Variants in INSYN2A observed in about 807,000 individuals in gnomAD.
INSYN2A encodes the protein family with sequence similarity 196 member A.
Under a neutral mutation model 39.4 loss-of-function variants are expected in INSYN2A, and 17 were observed. The observed-to-expected ratio is 0.43, with a 90% CI of 0.30 to 0.65. INSYN2A has a LOEUF of 0.65. Among genes scored for constraint, INSYN2A ranks in the 30% least tolerant of loss-of-function variants. The pLI is 0.14. For synonymous variants in INSYN2A, 255 were observed against 265.7 expected (o/e 0.96, Z 0.39); for missense variants, 595 against 631.2 (o/e 0.94, Z 0.61).
Position 127,175,684 on chromosome 10 carries a change from C to G in INSYN2A, c.712G>C (p.Glu238Gln). The change falls in exon 4 of 6, where the codon GAG (glutamate) becomes CAG (glutamine). Residue 238 changes from glutamate (E) to glutamine (Q), a missense_variant. By Grantham distance (29) the Glu-to-Gln change is conservative (BLOSUM62 2). Transcript: ENST00000522781. The surrounding 1 kb of genome is among the most constrained non-coding windows in gnomAD (Gnocchi z 6.3). ...CTGAGGGCAGGTGGAGCGGGCTCCT[C>G]GGAGTTTGGCCTCCCCCGGTCCTGC... is the stretch of plus-strand genomic sequence containing the variant. ...AKQDRGRPNS[E>Q]EPAPPALRRV... 2 of 1,613,742 alleles carry G rather than the reference C, an allele frequency of 1.2e-6. No homozygotes were observed. Among genetic ancestry groups the G allele is most frequent in the Non-Finnish European group, 1.7e-6 (2 of 1,179,962 alleles).
rs367689301 is a variant in INSYN2A at position 127,163,400 on chromosome 10, C to T, written c.1185-9477G>A. The stretch of plus-strand genomic sequence containing the variant: ...ATTTCGCTTTCCCTGTCTCCCTCCA[C>T]GAGAAGGTCAACACAATGTGGGCAG... On this transcript the variant is annotated intron_variant, in intron 4 of 5. Transcript: ENST00000522781. Among the ~76,000 whole-genome samples the T allele has an allele frequency of 7.4e-4, 113 of 152,190 alleles. 1 individual carries two copies. The South Asian group carries it at 0.021, about 28-fold the overall frequency.
chr10:127,150,229 C>T (rs1179599951), intron 5 of INSYN2A, among the ~76,000 whole-genome samples: 1 of 152,192 alleles, frequency 6.6e-6, no homozygotes. Flanking sequence ...GGGTTCTGAA[C>T]ACTTTTCTAC....
intron 4 of INSYN2A, among the ~76,000 whole-genome samples, chr10:127,170,626 G>A (rs1345531428): frequency 8.1e-6 from 1 of 123,992 alleles, no homozygotes; most frequent in African/African-American, 3.0e-5. Context: ...TACCCAATGA[G>A]CCACCAAGAC....
chr10:127,161,507 A>C (rs1416526305), intron 4 of INSYN2A, among the ~76,000 whole-genome samples: 5 of 152,232 alleles, frequency 3.3e-5, no homozygotes, highest in African/African-American at 1.2e-4. Context: ...TGTTAGTGGT[A>C]AAAACTGAAG....
chr10:127,195,729 C>T (rs1357912995), intron 1 of INSYN2A, among the ~76,000 whole-genome samples: 1 of 152,212 alleles, frequency 6.6e-6, no homozygotes, highest in East Asian at 1.9e-4. Flanking sequence ...TCCCTGACGT[C>T]GCCAAAGTTG....
At chr10:127,174,701 G>T (rs1173570401) in intron 4 of INSYN2A, among the ~76,000 whole-genome samples, 2 of 152,262 alleles carry the variant, frequency 1.3e-5, no homozygotes, top group East Asian at 3.9e-4. Context: ...TGTCTATGAT[G>T]TAAAGCCTTG....
intron 5 of INSYN2A, among the ~76,000 whole-genome samples, chr10:127,149,493 A>G (rs2052266250): frequency 6.6e-6 from 1 of 152,206 alleles, no homozygotes; most frequent in African/African-American, 2.4e-5. Context: ...CCCATTTATT[A>G]CAGGCCTGTG....
intron 1 of INSYN2A, 74 bp downstream of exon 1, chr10:127,195,923 C>G (rs1389532584): frequency 1.3e-5 from 2 of 152,266 alleles, no homozygotes; most frequent in Admixed American, 1.3e-4. Flanking sequence ...GCGCCCGTCC[C>G]AGCGGTGCTC....
chr10:127,144,192 C>T (rs2051560050), intron 5 of INSYN2A, among the ~76,000 whole-genome samples: 1 of 152,172 alleles, frequency 6.6e-6, no homozygotes, highest in South Asian at 2.1e-4. Flanking sequence ...ACCAGAGTCA[C>T]CTTAGGAAAA....
In INSYN2A at chr10:127,138,027, A is replaced by AAG; in HGVS notation, c.1257-9_1257-8dup. 5 of 1,601,066 alleles carry AAG rather than the reference A, an allele frequency of 3.1e-6. No individual in the cohort carries two copies. Among genetic ancestry groups the AAG allele is most frequent in the South Asian group, 2.3e-5 (2 of 88,300 alleles). On this transcript the variant is annotated splice_polypyrimidine_tract_variant and splice_region_variant and intron_variant, in intron 5 of 5. Transcript: ENST00000522781. ...CTTAAAATCCAGCTCCACACTAGAA[A>AAG]AGAGAGAGAGTGAAGACTTTAGCAT...
intron 5 of INSYN2A, 101 bp downstream of exon 5, chr10:127,153,751 T>C (rs533085220): frequency 2.2e-6 from 2 of 904,974 alleles, no homozygotes; most frequent in East Asian, 2.6e-5. Flanking sequence ...TTTTGTCTGA[T>C]AGAATCATCC....
chr10:127,152,449 C>T (rs1007130215), intron 5 of INSYN2A, among the ~76,000 whole-genome samples: 1 of 152,224 alleles, frequency 6.6e-6, no homozygotes, highest in South Asian at 2.1e-4. Context: ...CTTGGCGTGC[C>T]ATGCCAGGCT....
At chr10:127,153,413 C>T (rs77718729) in intron 5 of INSYN2A, among the ~76,000 whole-genome samples, 6,500 of 152,210 alleles carry the variant, frequency 0.043, 363 homozygotes, top group African/African-American at 0.13. Context: ...GCACAATCCT[C>T]GAGAGTTCCC....
chr10:127,161,416 C>T (rs551269647), intron 4 of INSYN2A, among the ~76,000 whole-genome samples: 2 of 152,272 alleles, frequency 1.3e-5, no homozygotes, highest in African/African-American at 4.8e-5. Context: ...CATCTGTCAG[C>T]CAGCATCCAA....
Position 127,175,678 on chromosome 10 carries a change from G to T in INSYN2A, c.718C>A (p.Pro240Thr). The T allele has an allele frequency of 6.2e-7, 1 of 1,613,736 alleles. No individual in the cohort carries two copies. The highest frequency in any genetic ancestry group is 8.5e-7 in the Non-Finnish European group (1 of 1,179,972). The change falls in exon 4 of 6, where the codon CCC (proline) becomes ACC (threonine). Residue 240 changes from proline to threonine, a missense_variant. Around this residue, in one of 2 missense-constraint regions of INSYN2A, gnomAD observed 478 missense variants for 467.4 expected, o/e 1.02. Coordinates refer to ENST00000522781, the MANE Select transcript of INSYN2A (RefSeq NM_001039762.3). The surrounding 1 kb of genome is among the most constrained non-coding windows in gnomAD (Gnocchi z 6.3). ...ACCCTCCTGAGGGCAGGTGGAGCGG[G>T]CTCCTCGGAGTTTGGCCTCCCCCGG... Reference protein sequence around the residue: ...QDRGRPNSEEPAPPALRRVFK... With the variant: ...QDRGRPNSEETAPPALRRVFK...
intron 4 of INSYN2A, among the ~76,000 whole-genome samples, chr10:127,169,656 T>C (rs1346197577): frequency 3.3e-5 from 5 of 152,194 alleles, no homozygotes; most frequent in Admixed American, 2.6e-4. Context: ...AGTTGAATCA[T>C]TGTGACAAAG....
chr10:127,180,969 C>G (rs1337529758), intron 2 of INSYN2A, among the ~76,000 whole-genome samples: 1 of 152,126 alleles, frequency 6.6e-6, no homozygotes, highest in Non-Finnish European at 1.5e-5. Flanking sequence ...CAGCGTCGTT[C>G]TGGTTTTGCC....
chr10:127,149,324 T>C lies in INSYN2A; in HGVS notation c.1256+4528A>G, dbSNP rs368875593. The stretch of plus-strand genomic sequence containing the variant: ...TACGCGGCAGGCTCTCACGGGCTGA[T>C]GTTTCTCACCTTTCGCTTGTCGTAC... On this transcript the variant is annotated intron_variant, in intron 5 of 5. Coordinates refer to ENST00000522781, the MANE Select transcript of INSYN2A (RefSeq NM_001039762.3). 3.9e-5 allele frequency among the ~76,000 whole-genome samples: 6 copies of C among 152,322 alleles called. 1 individual carries two copies. The South Asian group carries it at 1.2e-3, about 32-fold the overall frequency.
chr10:127,169,509 A>G (rs935830246), intron 4 of INSYN2A, among the ~76,000 whole-genome samples: 2 of 152,198 alleles, frequency 1.3e-5, no homozygotes, highest in Non-Finnish European at 2.9e-5. Flanking sequence ...TTTACAAACC[A>G]TATATCAGGA....
Sources: gnomAD v4.1 joint callset for allele counts (sites outside exome capture counted in the v4.1 genomes callset) on GRCh38, gnomAD v4.1.1 for gene constraint, gnomAD v4.1.1 regional missense constraint, Gnocchi (gnomAD v3.1) non-coding constraint, MANE v1.5 for transcripts, NCBI Gene and HGNC (gene_info 2026-07-23, HGNC 2026-07-21) for gene names.